Variants in VIT observed in about 807,000 individuals in gnomAD.
VIT encodes vitrin.
Under a neutral mutation model 78.0 loss-of-function variants are expected in VIT, and 99 were observed. The observed-to-expected ratio is 1.27, with a 90% confidence interval of 1.08 to 1.50. The LOEUF is 1.50. Among genes scored for constraint, VIT ranks in the 40% most tolerant of loss-of-function variants. The pLI, the probability that VIT is intolerant of heterozygous loss-of-function variation, is 0.00. For synonymous variants in VIT, 374 were observed against 334.3 expected (o/e 1.12, Z -1.29); for missense variants, 1,126 against 875.3 (o/e 1.29, Z -3.61).
intron 3 of VIT, among the ~76,000 whole-genome samples, chr2:36,739,131 T>C (rs1386780178): frequency 1.3e-5 from 2 of 150,478 alleles, no homozygotes. Flanking sequence ...ATATTAAAAG[T>C]TTTCATACAT....
intron 1 of VIT, among the ~76,000 whole-genome samples, chr2:36,699,708 C>T (rs1240374363): frequency 6.6e-6 from 1 of 151,934 alleles, no homozygotes; most frequent in African/African-American, 2.4e-5. Context: ...ACTGTGGGTC[C>T]AAGTTGTATG....
intron 1 of VIT, among the ~76,000 whole-genome samples, chr2:36,714,267 A>T (rs139109532): frequency 5.3e-4 from 81 of 152,336 alleles, no homozygotes; most frequent in African/African-American, 1.9e-3. Context: ...ATTAATAAAT[A>T]TGCATAGCAG....
chr2:36,728,834 A>AAAAAAAAAAG (rs761254776), intron 2 of VIT, among the ~76,000 whole-genome samples: 1 of 146,668 alleles, frequency 6.8e-6, no homozygotes, highest in African/African-American at 2.5e-5. Flanking sequence ...AAAAAAGAAA[A>AAAAAAAAAAG]AAGAAAAAAT....
intron 12 of VIT, among the ~76,000 whole-genome samples, chr2:36,800,132 G>A (rs926951425): frequency 1.3e-5 from 2 of 151,750 alleles, no homozygotes; most frequent in African/African-American, 4.8e-5. Context: ...GGATCACGAA[G>A]TCAGGAGTTC....
rs183268247 is a variant in VIT, at chr2:36,752,530, A to G, written c.276-2391A>G. On this transcript the variant is annotated intron_variant, in intron 4 of 15. Coordinates refer to ENST00000379242, the MANE Select transcript of VIT (RefSeq NM_053276.4). The stretch of plus-strand genomic sequence containing the variant: ...GGAACTGGGTTTGCTTTTCCAGAGA[A>G]TATCTATGAAGTGCCTACATCTGAG... 3.0e-4 allele frequency among the ~76,000 whole-genome samples: 45 copies of G among 152,348 alleles called. 2 individuals are homozygous for G. In the South Asian group the frequency reaches 8.5e-3, roughly 29 times the overall value.
intron 9 of VIT, among the ~76,000 whole-genome samples, 173 bp downstream of exon 9, chr2:36,775,240 T>G (rs1227438129): frequency 6.6e-6 from 1 of 152,228 alleles, no homozygotes; most frequent in East Asian, 1.9e-4. Context: ...TCTCTTTGAT[T>G]GATCTGTTCT....
At chr2:36,803,790 A>G (rs144437390) in intron 13 of VIT, among the ~76,000 whole-genome samples, 10 of 152,306 alleles carry the variant, frequency 6.6e-5, no homozygotes, top group African/African-American at 2.2e-4. Context: ...CTAAAGTCTA[A>G]AGAAGGTGCT....
intron 10 of VIT, among the ~76,000 whole-genome samples, chr2:36,782,414 G>A (rs1342283382): frequency 1.3e-5 from 2 of 152,182 alleles, no homozygotes; most frequent in Non-Finnish European, 2.9e-5. Flanking sequence ...GACCTTTAAC[G>A]GAAGGATGAA....
chr2:36,795,299 A>C (rs761704383), intron 12 of VIT, among the ~76,000 whole-genome samples: 52 of 152,030 alleles, frequency 3.4e-4, no homozygotes, highest in Non-Finnish European at 6.2e-4. Flanking sequence ...GAGTCACCTG[A>C]TGCACATCTT....
chr2:36,749,262 A>T (rs1346121286), intron 4 of VIT, among the ~76,000 whole-genome samples: 1 of 152,174 alleles, frequency 6.6e-6, no homozygotes, highest in African/African-American at 2.4e-5. Flanking sequence ...AGCTATGGTG[A>T]TGGGTTGGAG....
intron 12 of VIT, 125 bp downstream of exon 12, chr2:36,787,401 C>A: frequency 7.8e-7 from 1 of 1,276,210 alleles, no homozygotes; most frequent in Non-Finnish European, 1.1e-6. Context: ...TTGTTCTCTT[C>A]CCTAATGCAA....
In VIT at chr2:36,776,917, G is replaced by A. The variant is rs183995460; in HGVS notation, c.802+1850G>A. On this transcript the variant is annotated intron_variant, in intron 9 of 15. Coordinates refer to ENST00000379242, the MANE Select transcript of VIT (RefSeq NM_053276.4). ...ATCCCGGCTAACACGGTGAAACTCCGTCTCTACTAAAAACACAAAAAATTA... is the reference window on the plus strand; with the variant it reads ...ATCCCGGCTAACACGGTGAAACTCCATCTCTACTAAAAACACAAAAAATTA... 2.4e-3 allele frequency among the ~76,000 whole-genome samples: 358 copies of A among 150,654 alleles called. 3 individuals are homozygous for A. The highest frequency in any genetic ancestry group is 7.1e-3 in the East Asian group (36 of 5,082).
In VIT at chr2:36,736,685, C is replaced by G. The variant is rs544208110; in HGVS notation, c.119-6415C>G. Among the ~76,000 whole-genome samples the G allele has an allele frequency of 4.6e-5, 7 of 152,236 alleles. No homozygotes were observed. The South Asian group carries it at 1.5e-3, about 32-fold the overall frequency. ...AGCATCAATCTTGTATAAGATGAAA[C>G]AAAAGTATGTAAAGGAAAGCCTTGC... On this transcript the variant is annotated intron_variant, in intron 3 of 15. Transcript: ENST00000379242.
intron 2 of VIT, among the ~76,000 whole-genome samples, chr2:36,729,001 C>G (rs78157991): frequency 6.6e-6 from 1 of 152,064 alleles, no homozygotes; most frequent in African/African-American, 2.4e-5. Context: ...GCTAAGTGTC[C>G]TCTAAAGGTG....
At chr2:36,764,346 G>C (rs184185123) in intron 6 of VIT, among the ~76,000 whole-genome samples, 2 of 152,176 alleles carry the variant, frequency 1.3e-5, no homozygotes, top group African/African-American at 4.8e-5. Context: ...GGTCAAACCC[G>C]GGCCTGCATC....
chr2:36,775,128 A>G (rs1669976428), intron 9 of VIT, 61 bp downstream of exon 9: 2 of 1,593,116 alleles, frequency 1.3e-6, no homozygotes, highest in African/African-American at 2.7e-5. Flanking sequence ...GCACTTTGCA[A>G]ACATGAGGAC....
intron 7 of VIT, among the ~76,000 whole-genome samples, chr2:36,768,119 A>C (rs1669544850): frequency 6.6e-6 from 1 of 152,036 alleles, no homozygotes. Context: ...CTACCTACCT[A>C]TCCATCTTCT....
intron 1 of VIT, among the ~76,000 whole-genome samples, chr2:36,702,263 G>A (rs12616307): frequency 0.48 from 73,308 of 151,650 alleles, 17,853 homozygotes; most frequent in Admixed American, 0.55. Flanking sequence ...AAGCCCAAGG[G>A]TGCGCTTTGG....
intron 1 of VIT, among the ~76,000 whole-genome samples, chr2:36,699,288 C>T (rs930499704): frequency 1.3e-4 from 6 of 46,816 alleles, no homozygotes; most frequent in Non-Finnish European, 4.1e-4. Context: ...CTAAGCTTCC[C>T]TCTCAATCCT....
Sources: allele counts gnomAD v4.1 joint callset (sites outside exome capture counted in the v4.1 genomes callset), GRCh38; gene constraint gnomAD v4.1.1; transcripts MANE v1.5; gene names NCBI Gene and HGNC (gene_info 2026-07-23, HGNC 2026-07-21).